GRIP1: variants seen among roughly 807,000 people sequenced by gnomAD.
GRIP1 encodes the protein glutamate receptor-interacting protein 1.
A neutral mutation model predicts 129.9 loss-of-function variants in GRIP1; 45 were observed. The observed-to-expected ratio is 0.35, with a 90% confidence interval of 0.27 to 0.44. The LOEUF (loss-of-function observed/expected upper bound fraction) is 0.44. GRIP1 is among the 20% of genes least tolerant of loss of function. GRIP1 has a pLI of 1.00. For missense variants in GRIP1, 1,196 were observed against 1,396.8 expected (o/e 0.86, Z 2.29); for synonymous variants, 530 against 520.8 (o/e 1.02, Z -0.24).
At chr12:66,482,678 A>G (rs2059839404) in intron 7 of GRIP1, among the ~76,000 whole-genome samples, 1 of 152,232 alleles carries the variant, frequency 6.6e-6, no homozygotes, top group South Asian at 2.1e-4. Context: ...CTTTATTCCA[A>G]GATGTCTAAT....
chr12:66,662,404 T>G (rs1371459953), intron 1 of GRIP1, among the ~76,000 whole-genome samples: 17 of 152,184 alleles, frequency 1.1e-4, no homozygotes. Flanking sequence ...ATGCATAACC[T>G]GTTTAACTTC....
chr12:66,777,346 C>G (rs1218752968), intron 1 of GRIP1, among the ~76,000 whole-genome samples: 2 of 152,132 alleles, frequency 1.3e-5, no homozygotes, highest in African/African-American at 2.4e-5. Context: ...ACCCTTCCCC[C>G]TGAGATTCAC....
At chr12:66,909,660 C>T (rs570711930) in intron 1 of GRIP1, among the ~76,000 whole-genome samples, 28 of 152,264 alleles carry the variant, frequency 1.8e-4, no homozygotes, top group African/African-American at 6.7e-4. Flanking sequence ...TATATGAAAG[C>T]TGCTGTAATG....
chr12:66,985,404 T>C (rs1225631511), intron 1 of GRIP1, among the ~76,000 whole-genome samples: 1 of 152,060 alleles, frequency 6.6e-6, no homozygotes. Context: ...ACCTACACAA[T>C]AAATAAATAA....
chr12:66,826,990 T>C (rs1356265650), intron 1 of GRIP1, among the ~76,000 whole-genome samples: 1 of 152,176 alleles, frequency 6.6e-6, no homozygotes, highest in African/African-American at 2.4e-5. Flanking sequence ...GCTTGCCTAA[T>C]GTCTAAGATT....
At chr12:66,836,947 T>C (rs12316709) in intron 1 of GRIP1, among the ~76,000 whole-genome samples, 24,593 of 152,206 alleles carry the variant, frequency 0.16, 2,135 homozygotes, top group East Asian at 0.37. Context: ...TGTTGTTTTT[T>C]TCCCTCTTCA....
chr12:66,685,033 C>A (rs778927377), intron 1 of GRIP1, among the ~76,000 whole-genome samples: 5 of 152,138 alleles, frequency 3.3e-5, no homozygotes, highest in Non-Finnish European at 4.4e-5. Context: ...TCATCACCCT[C>A]TTTCTTAAGC....
intron 1 of GRIP1, among the ~76,000 whole-genome samples, chr12:66,980,294 C>T (rs2042224632): frequency 6.6e-6 from 1 of 152,152 alleles, no homozygotes; most frequent in African/African-American, 2.4e-5. Flanking sequence ...TCAGAGCTCA[C>T]CACTCACCAG....
At chr12:66,606,696 T>C (rs2064547089) in intron 1 of GRIP1, among the ~76,000 whole-genome samples, 1 of 152,066 alleles carries the variant, frequency 6.6e-6, no homozygotes, top group Non-Finnish European at 1.5e-5. Flanking sequence ...TCTAAATAGG[T>C]TGCATGGCAA....
intron 1 of GRIP1, among the ~76,000 whole-genome samples, chr12:66,677,379 A>G (rs1455701399): frequency 6.6e-6 from 1 of 152,152 alleles, no homozygotes; most frequent in Non-Finnish European, 1.5e-5. Context: ...CATGTTTATG[A>G]TGTAAGAAGA....
chr12:67,050,221 C>A lies in GRIP1; in HGVS notation c.58+18829G>T, dbSNP rs142122238. Among the ~76,000 whole-genome samples the A allele has an allele frequency of 6.2e-4, 95 of 152,178 alleles. 1 individual carries two copies. Among genetic ancestry groups the A allele is most frequent in the African/African-American group, 2.1e-3 (86 of 41,552 alleles). On this transcript the variant is annotated intron_variant, in intron 1 of 1. Coordinates refer to the GRIP1 transcript ENST00000643019. ...GATGTATAGAAATATTAAATCTTCA[C>A]GCAACTTATCCTATTTTCTATTTTT...
At chr12:66,636,713 C>CTG (rs1431704311) in intron 1 of GRIP1, among the ~76,000 whole-genome samples, 29 of 101,200 alleles carry the variant, frequency 2.9e-4, no homozygotes, top group South Asian at 1.0e-3. Flanking sequence ...GACATTAGAT[C>CTG]TCTGTGTGTG....
chr12:66,562,403 ATTT>A (rs574578516), intron 2 of GRIP1, among the ~76,000 whole-genome samples: 82 of 152,194 alleles, frequency 5.4e-4, no homozygotes, highest in African/African-American at 1.8e-3. Context: ...TGCCCCTTGG[ATTT>A]TCTTTCAAGC....
intron 2 of GRIP1, among the ~76,000 whole-genome samples, chr12:66,581,589 C>A (rs914498755): frequency 4.0e-5 from 6 of 150,480 alleles, no homozygotes; most frequent in South Asian, 2.1e-4. Context: ...ACTGATCCCA[C>A]AGAAATACAA....
chr12:66,720,113 A>G (rs759848511), intron 1 of GRIP1, among the ~76,000 whole-genome samples: 2 of 152,202 alleles, frequency 1.3e-5, no homozygotes, highest in Non-Finnish European at 2.9e-5. Flanking sequence ...CCTTGGAGAT[A>G]TTGCGGATTT....
intron 15 of GRIP1, among the ~76,000 whole-genome samples, chr12:66,414,540 A>G (rs1336139540): frequency 1.3e-5 from 2 of 152,178 alleles, no homozygotes; most frequent in African/African-American, 4.8e-5. Flanking sequence ...TATAGATTCA[A>G]TACCATGCCC....
At chr12:66,787,768 A>G (rs1348804484) in intron 1 of GRIP1, among the ~76,000 whole-genome samples, 1 of 152,156 alleles carries the variant, frequency 6.6e-6, no homozygotes, top group Non-Finnish European at 1.5e-5. Context: ...TCTGTTGTCT[A>G]TAAGGTACCC....
At chr12:66,454,760 G>A (rs956033520) in intron 11 of GRIP1, among the ~76,000 whole-genome samples, 1 of 151,394 alleles carries the variant, frequency 6.6e-6, no homozygotes, top group Non-Finnish European at 1.5e-5. Flanking sequence ...TTGTAAAGCT[G>A]AGCATCCTTC....
chr12:66,931,180 C>T (rs982482294), intron 1 of GRIP1, among the ~76,000 whole-genome samples: 5 of 152,124 alleles, frequency 3.3e-5, no homozygotes, highest in African/African-American at 1.2e-4. Flanking sequence ...CTTAAAATTG[C>T]TAACTTTAAG....
Sources: gnomAD v4.1 joint callset for allele counts (sites outside exome capture counted in the v4.1 genomes callset) on GRCh38, gnomAD v4.1.1 for gene constraint, MANE v1.5 for transcripts, NCBI Gene and HGNC (gene_info 2026-07-23, HGNC 2026-07-21) for gene names.